The following IFI16 variants were observed in gnomAD, a reference collection of about 807,000 sequenced individuals.
The protein encoded by IFI16 is gamma-interferon-inducible protein 16.
IFI16 carries 49 observed loss-of-function variants against 68.4 expected under a neutral mutation model. The ratio of observed to expected loss-of-function variants is 0.72; its 90% CI spans 0.57 to 0.91. The LOEUF (loss-of-function observed/expected upper bound fraction) is 0.91, where lower values mean the gene tolerates loss of function less well. IFI16 is among the 40% of genes least tolerant of loss of function. The probability of loss-of-function intolerance (pLI) is 0.00; values close to 1 mark genes in which losing one functional copy is unlikely to be tolerated. For missense variants in IFI16, 878 were observed against 942.9 expected (o/e 0.93, Z 0.90); for synonymous variants, 307 against 315.0 (o/e 0.97, Z 0.27).
intron 1 of IFI16, among the ~76,000 whole-genome samples, chr1:159,011,898 C>A (rs1262794026): frequency 6.6e-6 from 1 of 152,114 alleles, no homozygotes; most frequent in African/African-American, 2.4e-5. Context: ...GTCTTTACTT[C>A]AATTTATGAC....
chr1:159,006,234 C>G (rs1016578362), upstream of IFI16, among the ~76,000 whole-genome samples: 3 of 152,178 alleles, frequency 2.0e-5, no homozygotes, highest in African/African-American at 7.2e-5. Flanking sequence ...AAAATTCTCT[C>G]GGCCCCGAGG....
At chr1:159,026,558 C>T (rs55853408) in intron 6 of IFI16, among the ~76,000 whole-genome samples, 1 of 151,856 alleles carries the variant, frequency 6.6e-6, no homozygotes, top group Non-Finnish European at 1.5e-5. Flanking sequence ...CTTGGCCTCC[C>T]AAAGTGCTAA....
In IFI16 at chr1:159,020,546, C is replaced by T; in HGVS notation, c.1161+17C>T. On this transcript the variant is annotated intron_variant, in intron 6 of 11. Coordinates refer to ENST00000295809, the MANE Select transcript of IFI16 (RefSeq NM_001376587.1). ...TTTATCCAGGTAAGAATTAAATAGG[C>T]AAATATTAGTTTTCCAAAGTGGAAA... is the stretch of plus-strand genomic sequence containing the variant. 5 of 1,545,232 alleles carry T rather than the reference C, an allele frequency of 3.2e-6. No homozygotes were observed. The highest frequency in any genetic ancestry group is 3.5e-6 in the Non-Finnish European group (4 of 1,131,732).
intron 1 of IFI16, among the ~76,000 whole-genome samples, chr1:159,013,162 CTTTTTTTTTTTT>C (rs59743054): frequency 1.8e-5 from 1 of 54,646 alleles, no homozygotes; most frequent in African/African-American, 6.4e-5. Context: ...AAGAAGGAAG[CTTTTTTTTTTTT>C]TTTTTTTTTT....
chr1:159,049,297 C>G (rs1478202685), intron 8 of IFI16, 135 bp from the exon 9 acceptor site: 1 of 574,278 alleles, frequency 1.7e-6, no homozygotes, highest in African/African-American at 2.1e-5. Context: ...ATTATTCCTC[C>G]TGCAACTCAG....
intron 6 of IFI16, among the ~76,000 whole-genome samples, chr1:159,022,474 G>T (rs1293283447): frequency 6.6e-6 from 1 of 152,154 alleles, no homozygotes; most frequent in Non-Finnish European, 1.5e-5. Flanking sequence ...CCACCCTCCT[G>T]CTGCGTTCGG....
chr1:159,037,012 A>G (rs1436251879), intron 7 of IFI16, among the ~76,000 whole-genome samples: 2 of 152,186 alleles, frequency 1.3e-5, no homozygotes, highest in Admixed American at 6.5e-5. Context: ...AGAGCTACCT[A>G]TCATGACTGT....
chr1:159,009,387 T>C (rs1227005294), upstream of IFI16, among the ~76,000 whole-genome samples: 2 of 152,174 alleles, frequency 1.3e-5, no homozygotes, highest in African/African-American at 2.4e-5. Context: ...TTTAAACAAA[T>C]AGCGATTTCA....
chr1:159,020,224 T>C, intron 5 of IFI16, 117 bp from the exon 6 acceptor site: 1 of 686,844 alleles, frequency 1.5e-6, no homozygotes, highest in Non-Finnish European at 2.5e-6. Flanking sequence ...TATGTGCATA[T>C]CTGTACTAGG....
intron 7 of IFI16, among the ~76,000 whole-genome samples, chr1:159,034,341 A>T (rs968541446): frequency 1.3e-5 from 2 of 152,136 alleles, no homozygotes; most frequent in Non-Finnish European, 1.5e-5. Flanking sequence ...GTGTCTTTTG[A>T]TATTTACAAG....
At chr1:159,052,202 C>A in intron 10 of IFI16, 104 bp downstream of exon 10, 1 of 830,484 alleles carries the variant, frequency 1.2e-6, no homozygotes, top group Non-Finnish European at 1.9e-6. Context: ...CACAGAAAAT[C>A]AACCCCTTCA....
chr1:159,051,981 C>T lies in IFI16; in HGVS notation c.1968C>T (p.Asp656=). 1 of 1,614,010 alleles carries T rather than the reference C, an allele frequency of 6.2e-7. No individual in the cohort carries two copies. Among genetic ancestry groups the T allele is most frequent in the Non-Finnish European group, 8.5e-7 (1 of 1,179,954 alleles). The change falls in exon 10 of 12, where the codon GAC becomes GAT. Residue 656 remains aspartate (D), a synonymous_variant. Coordinates refer to ENST00000295809, the MANE Select transcript of IFI16 (RefSeq NM_001376587.1). ...CACTTGTGGCTGATGTGAATGCTGA[C>T]CGAAACATGGAGATCCCAAAAGGAT... The part of the protein sequence containing the change: ...PFTLVADVNA[D]RNMEIPKGLI...
chr1:159,012,694 T>C (rs1349007406), intron 1 of IFI16, among the ~76,000 whole-genome samples: 2 of 152,184 alleles, frequency 1.3e-5, no homozygotes, highest in Non-Finnish European at 2.9e-5. Context: ...CCGGATTGGC[T>C]ACTGCTTTAA....
At chr1:159,006,147 T>A (rs1413033207), upstream of IFI16, 3 of 152,170 alleles carry the variant, frequency 2.0e-5, no homozygotes, top group Non-Finnish European at 4.4e-5. Flanking sequence ...CCCAAGCGAG[T>A]TAAGAAAATA....
chr1:159,021,916 A>G (rs1469549958), intron 6 of IFI16, among the ~76,000 whole-genome samples: 1 of 118,756 alleles, frequency 8.4e-6, no homozygotes, highest in African/African-American at 3.1e-5. Context: ...AGAATTGTCT[A>G]TTCATGTCCT....
At chr1:159,016,407 C>A in intron 3 of IFI16, 126 bp from the exon 4 acceptor site, 2 of 803,224 alleles carry the variant, frequency 2.5e-6, no homozygotes, top group Non-Finnish European at 3.9e-6. Context: ...GAGAGATGGG[C>A]AGCAACCTCT....
At chr1:159,015,570 C>A in intron 2 of IFI16, 1 of 210,592 alleles carries the variant, frequency 4.7e-6, no homozygotes, top group African/African-American at 2.3e-5. Context: ...ATCGGAGAAC[C>A]GCATTGGGAA....
At chr1:159,002,383 AG>A (rs75136135), upstream of IFI16, among the ~76,000 whole-genome samples, 6,724 of 152,242 alleles carry the variant, frequency 0.044, 391 homozygotes, top group East Asian at 0.26. Context: ...GATATATAGT[AG>A]TGTTATAATT....
chr1:159,002,925 A>G (rs1040465831), upstream of IFI16, among the ~76,000 whole-genome samples: 2 of 152,270 alleles, frequency 1.3e-5, no homozygotes, highest in Non-Finnish European at 2.9e-5. Context: ...CTCACTGCAC[A>G]TTCTTGAAGA....
Sources: gnomAD v4.1 joint callset for allele counts (sites outside exome capture counted in the v4.1 genomes callset) on GRCh38, gnomAD v4.1.1 for gene constraint, MANE v1.5 for transcripts, NCBI Gene and HGNC (gene_info 2026-07-23, HGNC 2026-07-21) for gene names.